The following CCDC62 variants were observed in gnomAD, a reference collection of about 807,000 sequenced individuals.
CCDC62 encodes the protein coiled-coil domain containing 62.
In CCDC62, 72 loss-of-function variants were observed where a neutral mutation model predicts 80.8. That is an observed-to-expected ratio of 0.89 (90% CI 0.74 to 1.08). CCDC62 has a LOEUF of 1.08. CCDC62 is among the 50% of genes least tolerant of loss of function. The probability of loss-of-function intolerance (pLI) is 0.00; values close to 1 mark genes in which losing one functional copy is unlikely to be tolerated. For synonymous variants in CCDC62, 286 were observed against 296.5 expected, an observed-to-expected ratio of 0.96 and a Z score of 0.36; for missense variants, 704 against 809.4, an observed-to-expected ratio of 0.87 and a Z score of 1.58.
At chr12:122,800,196 T>C (rs1003958936) in intron 8 of CCDC62, among the ~76,000 whole-genome samples, 7 of 131,538 alleles carry the variant, frequency 5.3e-5, no homozygotes, top group Admixed American at 1.6e-4. Context: ...TTTGTACATA[T>C]GGGGTTTCGT....
At chr12:122,784,988 A>G (rs926775664) in intron 3 of CCDC62, among the ~76,000 whole-genome samples, 4 of 152,018 alleles carry the variant, frequency 2.6e-5, no homozygotes, top group Non-Finnish European at 5.9e-5. Flanking sequence ...AAAATACAAA[A>G]ATTAGCCAGG....
intron 10 of CCDC62, 59 bp from the exon 11 acceptor site, chr12:122,813,211 T>G: frequency 6.7e-7 from 1 of 1,485,224 alleles, no homozygotes; most frequent in Admixed American, 2.1e-5. Context: ...TATTCCTAGG[T>G]AGTTAGCATT....
At position 122,777,595 on chromosome 12, in the gene CCDC62, G is replaced by A; in HGVS notation, c.141G>A (p.Met47Ile). 6.2e-7 allele frequency: 1 copy of A among 1,614,106 alleles called. No homozygotes were observed. Among genetic ancestry groups the A allele is most frequent in the Non-Finnish European group, 8.5e-7 (1 of 1,179,980 alleles). The change falls in exon 2 of 13, where the codon ATG becomes ATA. Residue 47 changes from methionine to isoleucine, a missense_variant. Physicochemically the swap from Met to Ile is conservative, Grantham distance 10. Coordinates refer to ENST00000253079, the MANE Select transcript of CCDC62 (RefSeq NM_201435.5). ...LKDRDKELND[M>I]VAVHQQQLLS... ...ATCGAGATAAAGAGCTCAATGACAT[G>A]GTTGCAGTGCACCAGCAACAGCTTC...
rs2135524524 is a variant in CCDC62 at position 122,777,630 on chromosome 12, A to C, written c.176A>C (p.Glu59Ala). The part of the protein sequence containing the change: ...AVHQQQLLSW[E>A]EDRQKVLTLE... ...CACCAGCAACAGCTTCTTTCATGGG[A>C]AGAGGATCGGCAGAAAGTGTTGACA... Residue 59 changes from glutamate (E) to alanine (A), a missense_variant, in exon 2 of 13, where the codon GAA (glutamate) becomes GCA (alanine). Glu to Ala is a moderately radical substitution (Grantham distance 107). Coordinates refer to ENST00000253079, the MANE Select transcript of CCDC62 (RefSeq NM_201435.5). The C allele has an allele frequency of 6.2e-7, 1 of 1,614,172 alleles. No individual in the cohort carries two copies. The highest frequency in any genetic ancestry group is 1.3e-5 in the African/African-American group (1 of 75,056).
At chr12:122,814,250 C>T (rs1359136306) in intron 11 of CCDC62, among the ~76,000 whole-genome samples, 1 of 135,568 alleles carries the variant, frequency 7.4e-6, no homozygotes, top group Non-Finnish European at 1.5e-5. Context: ...CATTGCACTC[C>T]AGCCTTGGCA....
intron 6 of CCDC62, among the ~76,000 whole-genome samples, chr12:122,794,547 C>T (rs538018164): frequency 3.1e-4 from 47 of 152,192 alleles, no homozygotes; most frequent in Non-Finnish European, 5.4e-4. Flanking sequence ...AAGACAATCT[C>T]ACACCATTGT....
intron 10 of CCDC62, among the ~76,000 whole-genome samples, chr12:122,810,923 A>G (rs1197920168): frequency 6.6e-6 from 1 of 151,846 alleles, no homozygotes; most frequent in Non-Finnish European, 1.5e-5. Context: ...CACAAGGACA[A>G]AAAACCAAAC....
chr12:122,824,428 C>CAAACA (rs1555259879), intron 12 of CCDC62, among the ~76,000 whole-genome samples: 5 of 151,874 alleles, frequency 3.3e-5, no homozygotes, highest in African/African-American at 1.2e-4. Context: ...AACAAACAAA[C>CAAACA]AAAAAACCAA....
intron 6 of CCDC62, among the ~76,000 whole-genome samples, chr12:122,793,808 A>G (rs1200334840): frequency 6.6e-6 from 1 of 152,128 alleles, no homozygotes; most frequent in Non-Finnish European, 1.5e-5. Context: ...GTGATTAAAG[A>G]TCGGGGTGAA....
chr12:122,799,296 T>C (rs1452841887), intron 8 of CCDC62, among the ~76,000 whole-genome samples: 2 of 152,104 alleles, frequency 1.3e-5, no homozygotes, highest in African/African-American at 4.8e-5. Flanking sequence ...AATCATTCAT[T>C]CATCCATCCA....
chr12:122,792,108 A>ATTGCTT lies in CCDC62; in HGVS notation c.762_767dup (p.Leu254_Leu255dup), dbSNP rs2030652606. ...AAGAGAAAAGTTGCCTGCACGATGA[A>ATTGCTT]TTGCTTTTTACTGGTAAAACAGATG... On this transcript the variant is annotated inframe_insertion, in exon 6 of 13. Coordinates refer to ENST00000253079, the MANE Select transcript of CCDC62 (RefSeq NM_201435.5). 1 of 1,604,294 alleles carries ATTGCTT rather than the reference A, an allele frequency of 6.2e-7. No individual in the cohort carries two copies. Among genetic ancestry groups the ATTGCTT allele is most frequent in the East Asian group, 2.2e-5 (1 of 44,826 alleles).
At chr12:122,812,768 AGAG>A (rs2031966557) in intron 10 of CCDC62, among the ~76,000 whole-genome samples, 3 of 88,614 alleles carry the variant, frequency 3.4e-5, no homozygotes, top group African/African-American at 1.7e-4. Context: ...AGAGAGAGAG[AGAG>A]AGAGAGAGAA....
chr12:122,806,856 A>G (rs2031635170), intron 10 of CCDC62, among the ~76,000 whole-genome samples: 1 of 151,380 alleles, frequency 6.6e-6, no homozygotes, highest in Non-Finnish European at 1.5e-5. Context: ...TAAAAAAAAA[A>G]AGAAAGAAAA....
intron 10 of CCDC62, among the ~76,000 whole-genome samples, chr12:122,812,759 GA>G (rs2031962785): frequency 1.5e-5 from 1 of 66,862 alleles, no homozygotes; most frequent in Non-Finnish European, 3.0e-5. Flanking sequence ...GAGGGAGGGA[GA>G]GAGAGAGAGA....
intron 1 of CCDC62, among the ~76,000 whole-genome samples, chr12:122,776,167 T>G (rs1398174704): frequency 6.6e-6 from 1 of 152,188 alleles, no homozygotes; most frequent in Non-Finnish European, 1.5e-5. Flanking sequence ...TTGTCTTGTT[T>G]AATCTTCACC....
chr12:122,804,147 C>T (rs1175405715), intron 9 of CCDC62, among the ~76,000 whole-genome samples: 4 of 152,156 alleles, frequency 2.6e-5, no homozygotes, highest in Admixed American at 6.5e-5. Flanking sequence ...GAGGTTTACC[C>T]GTGCAGGGAG....
At position 122,801,789 on chromosome 12, in the gene CCDC62, G is replaced by A. The variant is rs1252384447; in HGVS notation, c.1643G>A (p.Arg548His). 6.8e-6 allele frequency: 11 copies of A among 1,614,060 alleles called. No homozygotes were observed. The highest frequency in any genetic ancestry group is 6.7e-5 in the Admixed American group (4 of 59,994). Reference sequence around the variant, plus strand: ...CCTTCCAAAATGCAGAGAATTGTCCGCCTCAAATCTGGGTGCACCTGTTCA... The same window carrying A: ...CCTTCCAAAATGCAGAGAATTGTCCACCTCAAATCTGGGTGCACCTGTTCA... Reference protein sequence around the residue: ...FKPSKMQRIVRLKSGCTCSES... With the variant: ...FKPSKMQRIVHLKSGCTCSES... The change falls in exon 9 of 13, where the codon CGC becomes CAC. Residue 548 changes from arginine (R) to histidine (H), a missense_variant. Arg to His is a conservative substitution (Grantham distance 29). Transcript: ENST00000253079.
Position 122,801,546 on chromosome 12 carries a change from A to G in CCDC62, c.1400A>G (p.Tyr467Cys). The G allele has an allele frequency of 6.2e-7, 1 of 1,614,152 alleles. No homozygotes were observed. The highest frequency in any genetic ancestry group is 1.1e-5 in the South Asian group (1 of 91,084). ...DEKQWHDVSV[Y>C]LGLTNCPSSK... ...AAGCAGTGGCATGATGTCAGTGTTT[A>G]CCTGGGCCTGACCAACTGTCCAAGT... is the stretch of plus-strand genomic sequence containing the variant. The change falls in exon 9 of 13, where the codon TAC becomes TGC. Residue 467 changes from tyrosine (Y) to cysteine (C), a missense_variant. Coordinates refer to ENST00000253079, the MANE Select transcript of CCDC62 (RefSeq NM_201435.5).
intron 11 of CCDC62, among the ~76,000 whole-genome samples, chr12:122,814,165 C>T (rs1370080161): frequency 6.6e-6 from 1 of 151,372 alleles, no homozygotes; most frequent in Non-Finnish European, 1.5e-5. Flanking sequence ...CCTGTAATCC[C>T]AGCTACTCGG....
Sources: gnomAD v4.1 joint callset for allele counts (sites outside exome capture counted in the v4.1 genomes callset) on GRCh38, gnomAD v4.1.1 for gene constraint, MANE v1.5 for transcripts, NCBI Gene and HGNC (gene_info 2026-07-23, HGNC 2026-07-21) for gene names.